Variants in CD36 observed in about 807,000 individuals in gnomAD.
CD36 encodes platelet glycoprotein 4.
CD36 carries 119 observed loss-of-function variants against 55.2 expected under a neutral mutation model. The observed-to-expected ratio is 2.15, with a 90% CI of 1.86 to 2.51. The LOEUF is 2.51. Ranked by LOEUF, CD36 falls within the 30% of genes most tolerant of loss-of-function variation. CD36 has a pLI of 0.00. For synonymous variants in CD36, 186 were observed against 193.6 expected, an observed-to-expected ratio of 0.96 and a Z score of 0.33; for missense variants, 819 against 555.5, an observed-to-expected ratio of 1.47 and a Z score of -4.77.
At chr7:80,644,408 T>C (rs1475038568) in intron 1 of CD36, among the ~76,000 whole-genome samples, 5 of 152,324 alleles carry the variant, frequency 3.3e-5, no homozygotes, top group South Asian at 2.1e-4. Flanking sequence ...AAGACCTTGA[T>C]GTAAATGAAG....
intron 7 of CD36, 76 bp downstream of exon 7, chr7:80,664,573 A>C: frequency 2.7e-5 from 23 of 848,692 alleles, no homozygotes; most frequent in Non-Finnish European, 4.5e-5. Context: ...TTAACATCTC[A>C]TAAGACATAG....
At chr7:80,614,719 T>C (rs1793052930) in intron 1 of CD36, among the ~76,000 whole-genome samples, 2 of 152,092 alleles carry the variant, frequency 1.3e-5, no homozygotes, top group Non-Finnish European at 2.9e-5. Flanking sequence ...AATACCCCAG[T>C]TTATAATGTG....
At position 80,671,937 on chromosome 7, in the gene CD36, T is replaced by A; in HGVS notation, c.1022T>A (p.Ile341Asn). Reference protein sequence around the residue: ...SKCKEGRPVYISLPHFLYASP... With the variant: ...SKCKEGRPVYNSLPHFLYASP... ...TTGTCTTCAGGGAGACCTGTGTACA[T>A]TTCACTTCCTCATTTTCTGTATGCA... Residue 341 changes from isoleucine to asparagine, a missense_variant, in exon 11 of 15, where the codon ATT becomes AAT. Coordinates refer to ENST00000447544, the MANE Select transcript of CD36 (RefSeq NM_001001548.3). The A allele has an allele frequency of 1.2e-6, 2 of 1,611,566 alleles. No individual in the cohort carries two copies. Among genetic ancestry groups the A allele is most frequent in the Middle Eastern group, 1.7e-4 (1 of 5,958 alleles).
At chr7:80,639,605 A>C (rs1436704670) in intron 1 of CD36, among the ~76,000 whole-genome samples, 1 of 151,986 alleles carries the variant, frequency 6.6e-6, no homozygotes. Context: ...CCAGTTTCTG[A>C]AATCATCAAG....
In CD36 at chr7:80,673,968, T is replaced by C; in HGVS notation, c.1255-15T>C. On this transcript the variant is annotated splice_polypyrimidine_tract_variant and intron_variant, in intron 13 of 14. Transcript: ENST00000447544. Reference sequence around the variant, plus strand: ...TAACGTACCCAAATAATGTTGATTATTAACTTGATTACAGACTGGGACCAT... The same window carrying C: ...TAACGTACCCAAATAATGTTGATTACTAACTTGATTACAGACTGGGACCAT... 1 of 1,605,646 alleles carries C rather than the reference T, an allele frequency of 6.2e-7. No homozygotes were observed. Among genetic ancestry groups the C allele is most frequent in the East Asian group, 2.2e-5 (1 of 44,562 alleles).
intron 4 of CD36, among the ~76,000 whole-genome samples, chr7:80,660,803 T>C (rs1331559589): frequency 1.3e-5 from 2 of 152,190 alleles, no homozygotes; most frequent in South Asian, 4.1e-4. Context: ...TGGATCTGTT[T>C]TGTGTTTTCC....
intron 4 of CD36, among the ~76,000 whole-genome samples, chr7:80,658,095 CG>C (rs1562803529): frequency 6.6e-6 from 1 of 152,148 alleles, no homozygotes; most frequent in African/African-American, 2.4e-5. Flanking sequence ...TTACCCGAAT[CG>C]GGTGTCTCTG....
At chr7:80,666,640 AG>A in intron 8 of CD36, 151 bp downstream of exon 8, 1 of 696,826 alleles carries the variant, frequency 1.4e-6, no homozygotes, top group South Asian at 1.5e-5. Flanking sequence ...ATTTGTATAT[AG>A]GCTAAAGGTC....
At chr7:80,611,808 C>T (rs1476337245) in intron 1 of CD36, among the ~76,000 whole-genome samples, 1 of 152,108 alleles carries the variant, frequency 6.6e-6, no homozygotes, top group African/African-American at 2.4e-5. Flanking sequence ...TAGACTGAAG[C>T]TAAAGCTGTA....
chr7:80,623,832 C>G (rs1439822307), intron 1 of CD36: 1 of 152,192 alleles, frequency 6.6e-6, no homozygotes, highest in Non-Finnish European at 1.5e-5. Context: ...AGGGATATCC[C>G]TGGAGAGGGG....
chr7:80,645,570 T>G (rs1475209965), intron 1 of CD36, among the ~76,000 whole-genome samples: 1 of 151,936 alleles, frequency 6.6e-6, no homozygotes, highest in Non-Finnish European at 1.5e-5. Context: ...AGGCAGAGGT[T>G]GCAGTGAGCC....
intron 6 of CD36, among the ~76,000 whole-genome samples, chr7:80,663,920 G>T (rs886247960): frequency 1.3e-5 from 2 of 152,142 alleles, no homozygotes; most frequent in South Asian, 2.1e-4. Context: ...AAGCCATAAT[G>T]AATCAAATTC....
At chr7:80,658,033 A>T (rs1796225568) in intron 4 of CD36, among the ~76,000 whole-genome samples, 2 of 152,230 alleles carry the variant, frequency 1.3e-5, no homozygotes, top group South Asian at 4.1e-4. Flanking sequence ...CTACCATAGC[A>T]CATGACATAT....
chr7:80,636,675 C>T (rs983456562), upstream of CD36, among the ~76,000 whole-genome samples: 6 of 152,062 alleles, frequency 3.9e-5, no homozygotes, highest in African/African-American at 1.4e-4. Flanking sequence ...TAAAACACAT[C>T]CCTTCAAAAT....
chr7:80,603,267 A>G (rs958306568), intron 1 of CD36, among the ~76,000 whole-genome samples: 1 of 152,160 alleles, frequency 6.6e-6, no homozygotes, highest in African/African-American at 2.4e-5. Flanking sequence ...CTGTTTCTCC[A>G]TGCTATTCTG....
chr7:80,604,616 G>A (rs1295245474), intron 1 of CD36, among the ~76,000 whole-genome samples: 3 of 151,562 alleles, frequency 2.0e-5, no homozygotes, highest in Admixed American at 6.6e-5. Flanking sequence ...ACAGAAAATT[G>A]GCAAGCATTA....
rs541287600 is a variant in CD36, at chr7:80,649,615, C to T, written c.120+2755C>T. Among the ~76,000 whole-genome samples the T allele has an allele frequency of 2.0e-5, 3 of 151,790 alleles. No individual in the cohort carries two copies. In the South Asian group the frequency reaches 6.2e-4, roughly 32 times the overall value. On this transcript the variant is annotated intron_variant, in intron 3 of 14. Coordinates refer to ENST00000447544, the MANE Select transcript of CD36 (RefSeq NM_001001548.3). ...TTATTGATAGAAGGTATGTATATAC[C>T]TTACAAAGTAAAACAGAGGTTTTAT...
intron 1 of CD36, among the ~76,000 whole-genome samples, chr7:80,621,751 T>C (rs1324384081): frequency 6.6e-6 from 1 of 152,214 alleles, no homozygotes; most frequent in African/African-American, 2.4e-5. Context: ...GAGGTATTAT[T>C]CTAGTTATCC....
At chr7:80,625,218 T>C (rs1260099584) in intron 1 of CD36, among the ~76,000 whole-genome samples, 1 of 151,974 alleles carries the variant, frequency 6.6e-6, no homozygotes, top group African/African-American at 2.4e-5. Flanking sequence ...TACTGGGAAA[T>C]ATAGAAAAAT....
Sources: allele counts gnomAD v4.1 joint callset (sites outside exome capture counted in the v4.1 genomes callset), GRCh38; gene constraint gnomAD v4.1.1; transcripts MANE v1.5; gene names NCBI Gene and HGNC (gene_info 2026-07-23, HGNC 2026-07-21).